The following LY96 variants were observed in gnomAD, a reference collection of about 807,000 sequenced individuals.
LY96 encodes the protein lymphocyte antigen 96, also known as myeloid differentiation protein-2.
A neutral mutation model predicts 18.9 loss-of-function variants in LY96; 18 were observed. The ratio of observed to expected loss-of-function variants is 0.95; its 90% CI spans 0.66 to 1.41. LY96 has a LOEUF of 1.41. LY96 is among the 40% of genes most tolerant of loss of function. LY96 has a pLI of 0.00. For synonymous variants in LY96, 66 were observed against 62.6 expected, an observed-to-expected ratio of 1.06 and a Z score of -0.26; for missense variants, 175 against 182.4, an observed-to-expected ratio of 0.96 and a Z score of 0.23.
At position 73,991,464 on chromosome 8, in the gene LY96, T is replaced by C; in HGVS notation, c.22T>C (p.Ser8Pro). ...AATCATGTTACCATTTCTGTTTTTT[T>C]CCACCCTGTTTTCTTCCATATTTAC... The part of the protein sequence containing the change: MLPFLFF[S>P]TLFSSIFTEA... Residue 8 changes from serine (S) to proline (P), a missense_variant, in exon 1 of 5, where the codon TCC becomes CCC. Ser to Pro is a moderately conservative substitution (Grantham distance 74). Coordinates refer to ENST00000284818, the MANE Select transcript of LY96 (RefSeq NM_015364.5). 1 of 1,609,814 alleles carries C rather than the reference T, an allele frequency of 6.2e-7. No individual in the cohort carries two copies. The highest frequency in any genetic ancestry group is 1.3e-5 in the African/African-American group (1 of 74,940).
At chr8:74,054,622 T>TTCTTTCTC in the LY96 span, among the ~76,000 whole-genome samples, 5 of 83,764 alleles carry the variant, frequency 6.0e-5, no homozygotes, top group African/African-American at 2.4e-4. Context: ...TTTTCCTTCT[T>TTCTTTCTC]TCTTTCTTTC....
At chr8:74,018,259 C>G (rs1219921957) in intron 3 of LY96, among the ~76,000 whole-genome samples, 1 of 151,784 alleles carries the variant, frequency 6.6e-6, no homozygotes, top group Non-Finnish European at 1.5e-5. Context: ...AATAAATAAA[C>G]AGGGGTTGCA....
At chr8:74,029,848 T>C (rs1166381166), downstream of LY96, among the ~76,000 whole-genome samples, 1 of 152,072 alleles carries the variant, frequency 6.6e-6, no homozygotes, top group Non-Finnish European at 1.5e-5. Context: ...TTAGTGGAGA[T>C]GGGGTTTCAC....
chr8:74,009,915 C>A (rs1816494919), intron 2 of LY96, 86 bp from the exon 3 acceptor site: 2 of 918,604 alleles, frequency 2.2e-6, no homozygotes, highest in Non-Finnish European at 3.6e-6. Context: ...AAGCACAGGG[C>A]CCCTTTTAAC....
At chr8:74,077,867 G>A in the LY96 span, among the ~76,000 whole-genome samples, 2 of 152,208 alleles carry the variant, frequency 1.3e-5, no homozygotes, top group East Asian at 3.9e-4. Flanking sequence ...CAGCACTTTG[G>A]GAGGCTGAGG....
intron 1 of LY96, among the ~76,000 whole-genome samples, chr8:73,995,122 C>T (rs1816097432): frequency 6.6e-6 from 1 of 152,176 alleles, no homozygotes; most frequent in Admixed American, 6.5e-5. Flanking sequence ...GTTTAGCCCC[C>T]TTATGTCTCC....
At chr8:74,068,310 G>C in the LY96 span, among the ~76,000 whole-genome samples, 2 of 152,036 alleles carry the variant, frequency 1.3e-5, no homozygotes, top group South Asian at 4.2e-4. Context: ...TGTATTGGGA[G>C]TTTGTTTCTT....
intron 3 of LY96, among the ~76,000 whole-genome samples, chr8:74,013,008 G>A (rs1353933499): frequency 2.0e-5 from 3 of 152,122 alleles, no homozygotes; most frequent in Admixed American, 1.3e-4. Flanking sequence ...CCAGATTAGA[G>A]TGCAGTGGTG....
At chr8:74,013,375 GGCCTCCCAAAGT>G (rs902153881) in intron 3 of LY96, among the ~76,000 whole-genome samples, 15 of 151,984 alleles carry the variant, frequency 9.9e-5, no homozygotes, top group South Asian at 2.1e-4. Flanking sequence ...TGCCTGCCTC[GGCCTCCCAAAGT>G]GCCTCCCAAA....
At chr8:73,991,653 T>A (rs1816007192) in intron 1 of LY96, 99 bp downstream of exon 1, 1 of 766,466 alleles carries the variant, frequency 1.3e-6, no homozygotes, top group Non-Finnish European at 2.3e-6. Flanking sequence ...ACACGAAACA[T>A]CAGTGTGTTC....
At chr8:74,067,526 T>G in the LY96 span, among the ~76,000 whole-genome samples, 1 of 151,142 alleles carries the variant, frequency 6.6e-6, no homozygotes, top group African/African-American at 2.5e-5. Context: ...GTTTTTTTTG[T>G]TGTTGTTGTT....
chr8:74,073,288 C>T, the LY96 span, among the ~76,000 whole-genome samples: 3 of 152,142 alleles, frequency 2.0e-5, no homozygotes, highest in African/African-American at 7.2e-5. Flanking sequence ...GCTGTGGCTT[C>T]CTGCCATCAG....
At chr8:74,018,838 A>G (rs1453163513) in intron 3 of LY96, among the ~76,000 whole-genome samples, 1 of 152,232 alleles carries the variant, frequency 6.6e-6, no homozygotes, top group Non-Finnish European at 1.5e-5. Flanking sequence ...GTACATAACG[A>G]AATGAAGGCA....
chr8:74,023,922 A>G (rs1170110227), intron 3 of LY96, among the ~76,000 whole-genome samples: 1 of 152,268 alleles, frequency 6.6e-6, no homozygotes, highest in Non-Finnish European at 1.5e-5. Context: ...TGGCAAGTCT[A>G]GAGAGAGAAA....
At chr8:74,082,765 A>T in the LY96 span, among the ~76,000 whole-genome samples, 3 of 152,066 alleles carry the variant, frequency 2.0e-5, no homozygotes, top group Non-Finnish European at 4.4e-5. Flanking sequence ...ATGGACCGTC[A>T]TGGCGAAATA....
chr8:74,066,729 A>T, the LY96 span, among the ~76,000 whole-genome samples: 835 of 152,280 alleles, frequency 5.5e-3, 6 homozygotes, highest in Non-Finnish European at 9.2e-3. Context: ...GGCAGGGTGG[A>T]CCCAAGGCAA....
At chr8:74,053,098 A>T in the LY96 span, among the ~76,000 whole-genome samples, 3 of 152,194 alleles carry the variant, frequency 2.0e-5, no homozygotes, top group African/African-American at 7.2e-5. Context: ...CTCCATCTGT[A>T]GTCCCTATTT....
chr8:74,053,603 T>C, the LY96 span, among the ~76,000 whole-genome samples: 1 of 152,244 alleles, frequency 6.6e-6, no homozygotes, highest in African/African-American at 2.4e-5. Flanking sequence ...TCTCTATCTT[T>C]ACTCTCATTG....
At chr8:73,997,345 C>T (rs1009968101) in intron 1 of LY96, among the ~76,000 whole-genome samples, 1 of 152,152 alleles carries the variant, frequency 6.6e-6, no homozygotes, top group East Asian at 1.9e-4. Flanking sequence ...AACACTCATG[C>T]CACATTTGTC....
Sources: gnomAD v4.1 joint callset for allele counts (sites outside exome capture counted in the v4.1 genomes callset) on GRCh38, gnomAD v4.1.1 for gene constraint, MANE v1.5 for transcripts, NCBI Gene and HGNC (gene_info 2026-07-23, HGNC 2026-07-21) for gene names.